MBNL1: variants seen among roughly 807,000 people sequenced by gnomAD.
MBNL1 encodes the protein muscleblind like splicing regulator 1.
In MBNL1, 8 loss-of-function variants were observed where a neutral mutation model predicts 42.2. The ratio of observed to expected loss-of-function variants is 0.19; its 90% CI spans 0.11 to 0.34. The LOEUF (loss-of-function observed/expected upper bound fraction) is 0.34. Ranked by LOEUF, MBNL1 falls within the 10% of genes least tolerant of loss-of-function variation. The pLI is 1.00. For missense variants in MBNL1, 309 were observed against 495.3 expected (o/e 0.62, Z 3.57); for synonymous variants, 169 against 173.9 (o/e 0.97, Z 0.22).
At chr3:152,338,455 C>T (rs957896159) in intron 2 of MBNL1, 2 of 985,278 alleles carry the variant, frequency 2.0e-6, no homozygotes, top group African/African-American at 3.5e-5. Flanking sequence ...TTGCCCTCTA[C>T]ACTTGCTTTC....
At chr3:152,272,966 G>A (rs1431597375) in intron 1 of MBNL1, among the ~76,000 whole-genome samples, 1 of 152,188 alleles carries the variant, frequency 6.6e-6, no homozygotes, top group Non-Finnish European at 1.5e-5. Flanking sequence ...GCCAAAAAAT[G>A]TAAAATGGAT....
intron 2 of MBNL1, among the ~76,000 whole-genome samples, chr3:152,413,328 G>T (rs1022844065): frequency 6.6e-6 from 1 of 152,102 alleles, no homozygotes; most frequent in African/African-American, 2.4e-5. Flanking sequence ...AATTGTGGTG[G>T]CAGTGATACA....
At position 152,299,615 on chromosome 3, in the gene MBNL1, A is replaced by G; in HGVS notation, c.-579A>G. On this transcript the variant is annotated 5_prime_UTR_variant, in exon 2 of 10. Coordinates refer to ENST00000324210, the MANE Select transcript of MBNL1 (RefSeq NM_021038.5). ...CCCTAGGCTGCTTTAGTGTTAAAAG[A>G]AAAGTTTGCTGAAAAAGTAAGATAT... is the stretch of plus-strand genomic sequence containing the variant. 1 of 398,612 alleles carries G rather than the reference A, an allele frequency of 2.5e-6. No homozygotes were observed. Among genetic ancestry groups the G allele is most frequent in the Non-Finnish European group, 4.4e-6 (1 of 225,908 alleles). The allele number at this position is 398,612 out of a possible 1,614,324, so 24.7% of individuals were successfully genotyped here.
rs568449558 is a variant in MBNL1 at position 152,394,817 on chromosome 3, A to G, written c.175-20124A>G. ...ATGTCCAGTACTCTTGGAAGAGCATAAACAATAAATAGTAATTTTCTCCCT... is the reference window on the plus strand; with the variant it reads ...ATGTCCAGTACTCTTGGAAGAGCATGAACAATAAATAGTAATTTTCTCCCT... On this transcript the variant is annotated intron_variant, in intron 2 of 9. Transcript: ENST00000324210. Among the ~76,000 whole-genome samples the G allele has an allele frequency of 2.6e-4, 40 of 152,320 alleles. 1 individual carries two copies. In the South Asian group the frequency reaches 8.1e-3, roughly 31 times the overall value.
intron 2 of MBNL1, among the ~76,000 whole-genome samples, chr3:152,309,344 A>C (rs2065067341): frequency 6.6e-6 from 1 of 152,172 alleles, no homozygotes. Flanking sequence ...AATTGTTCTG[A>C]AGCTGTCTAG....
At chr3:152,377,448 A>G (rs1276167363) in intron 2 of MBNL1, among the ~76,000 whole-genome samples, 1 of 152,236 alleles carries the variant, frequency 6.6e-6, no homozygotes, top group African/African-American at 2.4e-5. Context: ...CCGTTAGTAA[A>G]TTAACCTGTT....
chr3:152,453,374 T>G (rs963153417), intron 6 of MBNL1, among the ~76,000 whole-genome samples: 13 of 152,226 alleles, frequency 8.5e-5, no homozygotes, highest in African/African-American at 2.4e-4. Flanking sequence ...TTAAAATTTT[T>G]GATTTAAAAG....
At chr3:152,361,107 A>C (rs1309727840) in intron 2 of MBNL1, among the ~76,000 whole-genome samples, 1 of 152,070 alleles carries the variant, frequency 6.6e-6, no homozygotes, top group African/African-American at 2.4e-5. Context: ...AAAAAAACCC[A>C]TATACCCAGA....
At chr3:152,252,085 T>G (rs1422207229) in intron 2 of MBNL1, among the ~76,000 whole-genome samples, 4 of 152,130 alleles carry the variant, frequency 2.6e-5, no homozygotes, top group Non-Finnish European at 4.4e-5. Flanking sequence ...GTGCTTAAAT[T>G]GTTCACATTT....
chr3:152,335,352 T>C (rs1380103943), intron 2 of MBNL1: 4 of 927,070 alleles, frequency 4.3e-6, no homozygotes, highest in Non-Finnish European at 6.1e-6. Flanking sequence ...CATTAGAAAC[T>C]GTTTTAGAGA....
At chr3:152,297,344 GTT>G (rs1201662855) in intron 1 of MBNL1, among the ~76,000 whole-genome samples, 42 of 124,304 alleles carry the variant, frequency 3.4e-4, no homozygotes, top group African/African-American at 4.2e-4. Context: ...TGGGGATGAG[GTT>G]TTTTTTTTTT....
chr3:152,248,925 T>C (rs1200140903), intron 2 of MBNL1, among the ~76,000 whole-genome samples: 5 of 152,092 alleles, frequency 3.3e-5, no homozygotes, highest in African/African-American at 9.7e-5. Context: ...ATTTCATCCA[T>C]GTCCCTGCAA....
At chr3:152,283,965 G>A (rs562188230) in intron 1 of MBNL1, among the ~76,000 whole-genome samples, 1 of 152,124 alleles carries the variant, frequency 6.6e-6, no homozygotes, top group African/African-American at 2.4e-5. Flanking sequence ...CCTCTACTGT[G>A]TACTTCTCGC....
chr3:152,388,165 T>A (rs1419273144), intron 2 of MBNL1, among the ~76,000 whole-genome samples: 2 of 152,178 alleles, frequency 1.3e-5, no homozygotes, highest in African/African-American at 2.4e-5. Context: ...TTGTTTTTGG[T>A]CCTTGGGAGG....
intron 2 of MBNL1, among the ~76,000 whole-genome samples, chr3:152,318,253 G>A (rs1042636111): frequency 5.3e-5 from 8 of 152,156 alleles, no homozygotes; most frequent in African/African-American, 1.9e-4. Context: ...GAAGAAAAAA[G>A]CAGTCTCACG....
At chr3:152,398,286 T>C (rs1426736481) in intron 2 of MBNL1, among the ~76,000 whole-genome samples, 1 of 152,118 alleles carries the variant, frequency 6.6e-6, no homozygotes, top group African/African-American at 2.4e-5. Flanking sequence ...ATTAGGCCCA[T>C]CTACTCATTC....
At chr3:152,351,276 C>G (rs558308038) in intron 2 of MBNL1, among the ~76,000 whole-genome samples, 1 of 152,250 alleles carries the variant, frequency 6.6e-6, no homozygotes, top group East Asian at 1.9e-4. Flanking sequence ...GTTTATACCA[C>G]TATGTCAAAC....
At chr3:152,442,317 T>A (rs1417604293) in intron 4 of MBNL1, among the ~76,000 whole-genome samples, 2 of 152,224 alleles carry the variant, frequency 1.3e-5, no homozygotes, top group Non-Finnish European at 2.9e-5. Context: ...GTATTCACTC[T>A]GGAAATTATT....
At position 152,305,394 on chromosome 3, in the gene MBNL1, GT is replaced by G. The variant is rs147153659; in HGVS notation, c.174+5029del. ...TTTCAGCTATCAACATTGCTAATCC[GT>G]TACCTTTCATGCTGAGCAATGTCTC... On this transcript the variant is annotated intron_variant, in intron 2 of 9. Coordinates refer to ENST00000324210, the MANE Select transcript of MBNL1 (RefSeq NM_021038.5). Among the ~76,000 whole-genome samples, 502 of 152,128 alleles carry G rather than the reference GT, an allele frequency of 3.3e-3. 18 individuals carry two copies. In the East Asian group the frequency reaches 0.077, roughly 23 times the overall value.
Sources: gnomAD v4.1 joint callset for allele counts (sites outside exome capture counted in the v4.1 genomes callset) on GRCh38, gnomAD v4.1.1 for gene constraint, MANE v1.5 for transcripts, NCBI Gene and HGNC (gene_info 2026-07-23, HGNC 2026-07-21) for gene names.